The following CAMTA1 variants were observed in gnomAD, a reference collection of about 807,000 sequenced individuals.
The protein encoded by CAMTA1 is calmodulin-binding transcription activator 1.
CAMTA1 carries 27 observed loss-of-function variants against 170.9 expected under a neutral mutation model. The ratio of observed to expected loss-of-function variants is 0.16; its 90% confidence interval spans 0.12 to 0.22. CAMTA1 has a LOEUF of 0.22. CAMTA1 is among the 10% of genes least tolerant of loss of function. CAMTA1 has a pLI of 1.00. For synonymous variants in CAMTA1, 833 were observed against 891.5 expected, an observed-to-expected ratio of 0.93 and a Z score of 1.17; for missense variants, 1,619 against 2,217.2, an observed-to-expected ratio of 0.73 and a Z score of 5.42.
intron 4 of CAMTA1, among the ~76,000 whole-genome samples, chr1:7,120,486 C>T (rs1450202987): frequency 6.6e-6 from 1 of 152,190 alleles, no homozygotes; most frequent in Admixed American, 6.5e-5. Flanking sequence ...TCAGAGCCAG[C>T]AGGGGAGAGA....
chr1:7,187,640 A>G (rs1329186273), intron 4 of CAMTA1, among the ~76,000 whole-genome samples: 1 of 152,332 alleles, frequency 6.6e-6, no homozygotes, highest in East Asian at 1.9e-4. Context: ...GAAATTATAG[A>G]GAATAAGAGG....
At chr1:7,326,610 G>A (rs1198724309) in intron 5 of CAMTA1, among the ~76,000 whole-genome samples, 1 of 152,196 alleles carries the variant, frequency 6.6e-6, no homozygotes, top group African/African-American at 2.4e-5. Context: ...GTGGAATGAT[G>A]CAACTCAAGC....
At chr1:6,809,875 G>A (rs1269651479) in intron 1 of CAMTA1, among the ~76,000 whole-genome samples, 1 of 152,084 alleles carries the variant, frequency 6.6e-6, no homozygotes, top group Non-Finnish European at 1.5e-5. Flanking sequence ...CTAAGGAAGG[G>A]TATTGGTTTT....
At chr1:7,571,839 T>C (rs930513063) in intron 6 of CAMTA1, among the ~76,000 whole-genome samples, 12 of 152,220 alleles carry the variant, frequency 7.9e-5, no homozygotes, top group Non-Finnish European at 1.3e-4. Context: ...TTTATATTCC[T>C]TTGGGTATAT....
intron 3 of CAMTA1, among the ~76,000 whole-genome samples, chr1:7,072,648 A>G (rs1027307262): frequency 6.6e-6 from 1 of 152,204 alleles, no homozygotes; most frequent in African/African-American, 2.4e-5. Context: ...AGGGCCAGGC[A>G]GTGTGTCAGG....
At chr1:7,542,729 A>T (rs900813799) in intron 6 of CAMTA1, among the ~76,000 whole-genome samples, 1 of 151,954 alleles carries the variant, frequency 6.6e-6, no homozygotes, top group Non-Finnish European at 1.5e-5. Flanking sequence ...GGATTTCGCC[A>T]TGTTGGCCAG....
intron 5 of CAMTA1, among the ~76,000 whole-genome samples, chr1:7,309,925 C>A (rs1676203722): frequency 1.3e-5 from 2 of 151,876 alleles, no homozygotes; most frequent in South Asian, 4.2e-4. Flanking sequence ...TTTTTGCTTT[C>A]AACCATCAAA....
chr1:6,971,210 G>A lies in CAMTA1; in HGVS notation c.235-120094G>A, dbSNP rs1204478721. The stretch of plus-strand genomic sequence containing the variant: ...TGGAGAAGAGCACACGATGGGCCTC[G>A]CTCCTCATGCTCCCCACTCCTGATG... On this transcript the variant is annotated intron_variant, in intron 3 of 22. Transcript: ENST00000303635. This position sits in a 1 kb window ranked among gnomAD's most constrained non-coding sequence, Gnocchi z 4.6. 6.6e-6 allele frequency among the ~76,000 whole-genome samples: 1 copy of A among 152,090 alleles called. No individual in the cohort carries two copies. The highest frequency in any genetic ancestry group is 1.5e-5 in the Non-Finnish European group (1 of 68,014).
intron 8 of CAMTA1, among the ~76,000 whole-genome samples, chr1:7,662,439 C>T (rs2095968254): frequency 6.6e-6 from 1 of 152,078 alleles, no homozygotes. Context: ...TGTCACTTCT[C>T]TACGCAGTCT....
chr1:6,922,510 A>G (rs1355911928), intron 3 of CAMTA1, among the ~76,000 whole-genome samples: 2 of 152,194 alleles, frequency 1.3e-5, no homozygotes, highest in African/African-American at 4.8e-5. Flanking sequence ...GGGACAGAGC[A>G]GCCAGGGCTC....
intron 6 of CAMTA1, among the ~76,000 whole-genome samples, chr1:7,558,981 C>T (rs2094920633): frequency 2.6e-5 from 4 of 152,224 alleles, no homozygotes. Flanking sequence ...CCCCCGTCCC[C>T]CCTGCCTGAA....
chr1:7,164,973 TTTTC>T (rs1648073642), intron 4 of CAMTA1, among the ~76,000 whole-genome samples: 1 of 152,258 alleles, frequency 6.6e-6, no homozygotes, highest in South Asian at 2.1e-4. Flanking sequence ...GAATTGTCAC[TTTTC>T]TTTATGAGAA....
chr1:7,070,475 A>C (rs1449357065), intron 3 of CAMTA1, among the ~76,000 whole-genome samples: 1 of 152,176 alleles, frequency 6.6e-6, no homozygotes, highest in African/African-American at 2.4e-5. Flanking sequence ...GCAGCGATAG[A>C]ATGAGGCTCT....
Position 7,310,605 on chromosome 1 carries a change from T to TTTCG in CAMTA1, c.438+60982_438+60983insGTTC, listed in dbSNP as rs1557489775. 6.5e-3 allele frequency among the ~76,000 whole-genome samples: 42 copies of TTTCG among 6,480 alleles called. 1 individual carries two copies. In the South Asian group the frequency reaches 0.074, roughly 11 times the overall value. 4.3% of individuals were successfully genotyped at this position (6,480 alleles called of 152,430 possible). ...TTTCTTTTTCTTTTCTTTTCTTTTC[T>TTTCG]TTCTTTCTTTCTTTCTTTCTTTCTT... is the stretch of plus-strand genomic sequence containing the variant. On this transcript the variant is annotated intron_variant, in intron 5 of 22. Coordinates refer to ENST00000303635, the MANE Select transcript of CAMTA1 (RefSeq NM_015215.4).
At chr1:7,205,407 A>G (rs1558245388) in intron 4 of CAMTA1, among the ~76,000 whole-genome samples, 1 of 152,198 alleles carries the variant, frequency 6.6e-6, no homozygotes, top group Non-Finnish European at 1.5e-5. Context: ...CCGGCCTCCA[A>G]CTACTATTAT....
At chr1:7,268,266 AGGGGGG>A (rs56775847) in intron 5 of CAMTA1, among the ~76,000 whole-genome samples, 4 of 151,982 alleles carry the variant, frequency 2.6e-5, no homozygotes, top group Middle Eastern at 3.4e-3. Flanking sequence ...ACAGAGGAGA[AGGGGGG>A]GTCAGCAGAG....
chr1:6,914,561 A>G (rs1463335262), intron 3 of CAMTA1, among the ~76,000 whole-genome samples: 1 of 152,214 alleles, frequency 6.6e-6, no homozygotes, highest in Non-Finnish European at 1.5e-5. Context: ...GTGGCCATGC[A>G]ATGGCCATTT....
chr1:6,923,559 G>A (rs999584859), intron 3 of CAMTA1, among the ~76,000 whole-genome samples: 1 of 152,192 alleles, frequency 6.6e-6, no homozygotes, highest in East Asian at 1.9e-4. Flanking sequence ...GGGAGGCCTG[G>A]CTTATTCAAG....
chr1:7,719,344 A>C (rs555471129), intron 11 of CAMTA1, among the ~76,000 whole-genome samples: 1 of 152,194 alleles, frequency 6.6e-6, no homozygotes, highest in Non-Finnish European at 1.5e-5. Context: ...GATGATTGTC[A>C]GTTTGCTTTG....
Sources: gnomAD v4.1 joint callset for allele counts (sites outside exome capture counted in the v4.1 genomes callset) on GRCh38, gnomAD v4.1.1 for gene constraint, Gnocchi (gnomAD v3.1) non-coding constraint, MANE v1.5 for transcripts, NCBI Gene and HGNC (gene_info 2026-07-23, HGNC 2026-07-21) for gene names.